ITFG1: variants seen among roughly 807,000 people sequenced by gnomAD.
ITFG1 encodes T-cell immunomodulatory protein.
Under a neutral mutation model 81.8 loss-of-function variants are expected in ITFG1, and 34 were observed. The ratio of observed to expected loss-of-function variants is 0.42; its 90% CI spans 0.32 to 0.55. The LOEUF (loss-of-function observed/expected upper bound fraction) is 0.55, where lower values mean the gene tolerates loss of function less well. Ranked by LOEUF, ITFG1 falls within the 20% of genes least tolerant of loss-of-function variation. The pLI is 0.17. For synonymous variants in ITFG1, 285 were observed against 270.6 expected (o/e 1.05, Z -0.52); for missense variants, 672 against 755.4 (o/e 0.89, Z 1.29).
chr16:47,180,331 A>G (rs1965090163), intron 14 of ITFG1, among the ~76,000 whole-genome samples: 1 of 151,494 alleles, frequency 6.6e-6, no homozygotes, highest in South Asian at 2.1e-4. Flanking sequence ...AACACAGGAG[A>G]CTTGAAAATA....
At chr16:47,232,122 C>G (rs550711615) in intron 13 of ITFG1, among the ~76,000 whole-genome samples, 1 of 152,328 alleles carries the variant, frequency 6.6e-6, no homozygotes, top group Non-Finnish European at 1.5e-5. Flanking sequence ...GGTAGGCTTG[C>G]TGACAACTTG....
intron 10 of ITFG1, among the ~76,000 whole-genome samples, chr16:47,272,751 G>A (rs1197815797): frequency 6.6e-6 from 1 of 151,852 alleles, no homozygotes; most frequent in Non-Finnish European, 1.5e-5. Context: ...GAATTGTATG[G>A]TGTGTGAATT....
At chr16:47,162,292 T>G (rs978985615) in intron 15 of ITFG1, among the ~76,000 whole-genome samples, 1 of 151,964 alleles carries the variant, frequency 6.6e-6, no homozygotes, top group Non-Finnish European at 1.5e-5. Context: ...AAAAGCAGGA[T>G]AGAGGGATAG....
At chr16:47,183,016 C>T (rs1416616060) in intron 14 of ITFG1, among the ~76,000 whole-genome samples, 1 of 152,186 alleles carries the variant, frequency 6.6e-6, no homozygotes. Context: ...ACAGACGGCA[C>T]CTGGAAAATC....
chr16:47,420,842 G>A (rs1402379933), intron 6 of ITFG1, among the ~76,000 whole-genome samples: 3 of 152,134 alleles, frequency 2.0e-5, no homozygotes, highest in Non-Finnish European at 4.4e-5. Flanking sequence ...AAATTACACA[G>A]CTTCAGGCAC....
At chr16:47,263,476 T>G in intron 10 of ITFG1, 1 of 369,056 alleles carries the variant, frequency 2.7e-6, no homozygotes, top group African/African-American at 2.2e-5. Context: ...TTGATCTTCA[T>G]GACAAGTATG....
chr16:47,275,303 C>T (rs1966385850), intron 10 of ITFG1, among the ~76,000 whole-genome samples: 1 of 152,060 alleles, frequency 6.6e-6, no homozygotes, highest in African/African-American at 2.4e-5. Context: ...TCTTCAACTG[C>T]TGTTTTTGGA....
intron 14 of ITFG1, among the ~76,000 whole-genome samples, chr16:47,206,493 C>T (rs947513592): frequency 6.6e-6 from 1 of 152,194 alleles, no homozygotes; most frequent in Non-Finnish European, 1.5e-5. Flanking sequence ...TCATCGACCT[C>T]AATATGAAAC....
intron 7 of ITFG1, among the ~76,000 whole-genome samples, chr16:47,366,367 C>A (rs959146353): frequency 1.3e-5 from 2 of 152,058 alleles, no homozygotes; most frequent in African/African-American, 2.4e-5. Flanking sequence ...AGGAGAATTT[C>A]ATTGATCCTT....
At chr16:47,324,842 T>G (rs1967507363) in intron 8 of ITFG1, among the ~76,000 whole-genome samples, 2 of 152,132 alleles carry the variant, frequency 1.3e-5, no homozygotes, top group East Asian at 1.9e-4. Flanking sequence ...AACAAGTCCT[T>G]AGTGACCTAC....
intron 6 of ITFG1, among the ~76,000 whole-genome samples, chr16:47,381,299 T>C (rs1168035967): frequency 6.6e-6 from 1 of 152,164 alleles, no homozygotes; most frequent in Non-Finnish European, 1.5e-5. Context: ...ATGTTGAAAA[T>C]TGTGATTTCA....
In ITFG1 at chr16:47,459,113, C is replaced by T. The variant is rs1464612624; in HGVS notation, c.271G>A (p.Val91Ile). Residue 91 changes from valine to isoleucine, a missense_variant, in exon 2 of 18, where the codon GTA becomes ATA. Val to Ile is a conservative substitution (Grantham distance 29). Coordinates refer to ENST00000320640, the MANE Select transcript of ITFG1 (RefSeq NM_030790.5). ...NAPYFKPKVK[V>I]SFKNHSALIT... ...CATATTTGTACTTACTTGAAAGATA[C>T]CTTTACTTTGGGTTTAAAATAGGGT... The T allele has an allele frequency of 3.2e-6, 5 of 1,575,464 alleles. No individual in the cohort carries two copies. The highest frequency in any genetic ancestry group is 1.4e-5 in the African/African-American group (1 of 74,062).
At chr16:47,171,267 CAA>C (rs1023813363) in intron 14 of ITFG1, among the ~76,000 whole-genome samples, 1 of 152,060 alleles carries the variant, frequency 6.6e-6, no homozygotes, top group Admixed American at 6.6e-5. Context: ...TTTGGCCTCT[CAA>C]AGTGTTGGGA....
At chr16:47,459,699 C>A (rs1969500246) in intron 1 of ITFG1, among the ~76,000 whole-genome samples, 1 of 152,170 alleles carries the variant, frequency 6.6e-6, no homozygotes, top group Non-Finnish European at 1.5e-5. Context: ...CAGAGGGTGA[C>A]ACATTCTTGG....
chr16:47,370,447 C>T (rs1968237969), intron 7 of ITFG1, among the ~76,000 whole-genome samples: 1 of 152,198 alleles, frequency 6.6e-6, no homozygotes, highest in African/African-American at 2.4e-5. Context: ...CACTTCAGGT[C>T]CCCTGTCCAC....
intron 5 of ITFG1, among the ~76,000 whole-genome samples, chr16:47,441,849 G>A (rs1969255558): frequency 6.6e-6 from 1 of 152,106 alleles, no homozygotes; most frequent in Non-Finnish European, 1.5e-5. Context: ...GCAGGAGAAG[G>A]AAATAAAGGG....
chr16:47,281,331 T>C (rs1966449205), intron 10 of ITFG1, among the ~76,000 whole-genome samples: 2 of 152,196 alleles, frequency 1.3e-5, no homozygotes, highest in Admixed American at 6.5e-5. Flanking sequence ...AGTATTAGTC[T>C]GTAGTTTTCT....
At chr16:47,393,909 T>C (rs138334755) in intron 6 of ITFG1, among the ~76,000 whole-genome samples, 14 of 152,300 alleles carry the variant, frequency 9.2e-5, no homozygotes, top group African/African-American at 3.4e-4. Flanking sequence ...TTAAAACATA[T>C]GTTTTAAGTC....
At chr16:47,450,740 T>C (rs562943239) in intron 5 of ITFG1, among the ~76,000 whole-genome samples, 2 of 152,212 alleles carry the variant, frequency 1.3e-5, no homozygotes, top group South Asian at 4.1e-4. Flanking sequence ...AGAAAAAAAA[T>C]TAACCGGGTT....
Sources: gnomAD v4.1 joint callset for allele counts (sites outside exome capture counted in the v4.1 genomes callset) on GRCh38, gnomAD v4.1.1 for gene constraint, MANE v1.5 for transcripts, NCBI Gene and HGNC (gene_info 2026-07-23, HGNC 2026-07-21) for gene names.